Variants in TMEM273 observed in about 807,000 individuals in gnomAD.
TMEM273 encodes the protein chromosome 10 open reading frame 128.
Under a neutral mutation model 17.9 loss-of-function variants are expected in TMEM273, and 19 were observed. That is an observed-to-expected ratio of 1.06 (90% CI 0.74 to 1.55). TMEM273 has a LOEUF of 1.55. Ranked by LOEUF, TMEM273 falls within the 40% of genes most tolerant of loss-of-function variation. The pLI is 0.00. For synonymous variants in TMEM273, 66 were observed against 62.0 expected, an observed-to-expected ratio of 1.07 and a Z score of -0.31; for missense variants, 194 against 155.6, an observed-to-expected ratio of 1.25 and a Z score of -1.31.
At chr10:49,156,229 G>T in intron 6 of TMEM273, 1 of 1,384,666 alleles carries the variant, frequency 7.2e-7, no homozygotes. Flanking sequence ...ACTTTCTGTA[G>T]TTGGTGAATT....
At chr10:49,156,328 C>G (rs1590170399) in intron 6 of TMEM273, 2 of 1,262,494 alleles carry the variant, frequency 1.6e-6, no homozygotes, top group South Asian at 2.6e-5. Context: ...ATCTGAACTA[C>G]GAGCTGTTAC....
Position 49,188,360 on chromosome 10 carries a change from T to G in TMEM273, c.-24A>C. ...ATGCTGGCGCTCTGCTCTTGGCTCC[T>G]GGCTCCTGGCTGCTGGCAGCGCAGG... On this transcript the variant is annotated 5_prime_UTR_variant, in exon 1 of 7. Coordinates refer to ENST00000374153, the MANE Select transcript of TMEM273 (RefSeq NM_001288740.3). 6.2e-7 allele frequency: 1 copy of G among 1,614,106 alleles called. No individual in the cohort carries two copies. Among genetic ancestry groups the G allele is most frequent in the East Asian group, 2.2e-5 (1 of 44,862 alleles).
chr10:49,169,557 T>G (rs563875681), intron 1 of TMEM273, among the ~76,000 whole-genome samples: 38 of 152,334 alleles, frequency 2.5e-4, no homozygotes, highest in African/African-American at 9.1e-4. Flanking sequence ...TCACAGATAT[T>G]TTTGAAAATT....
chr10:49,156,309 T>C (rs759317124), intron 6 of TMEM273: 7 of 1,299,032 alleles, frequency 5.4e-6, no homozygotes, highest in Middle Eastern at 2.1e-4. Context: ...TGGAAAATAA[T>C]GCCTTCACAT....
intron 3 of TMEM273, 61 bp downstream of exon 3, chr10:49,166,808 G>C (rs1297066158): frequency 6.9e-6 from 11 of 1,604,332 alleles, no homozygotes; most frequent in Non-Finnish European, 9.3e-6. Context: ...CAGCATCACA[G>C]AGTGGCCCTC....
At chr10:49,165,362 C>A in intron 4 of TMEM273, 79 bp from the exon 5 acceptor site, 1 of 1,548,754 alleles carries the variant, frequency 6.5e-7, no homozygotes, top group South Asian at 1.2e-5. Context: ...GACGTGGGCT[C>A]TGTGCAGAAG....
chr10:49,173,990 G>T (rs945534161), intron 1 of TMEM273, among the ~76,000 whole-genome samples: 8 of 152,206 alleles, frequency 5.3e-5, no homozygotes, highest in Non-Finnish European at 1.2e-4. Flanking sequence ...GCTCAGAAAA[G>T]AAATCAGATG....
At chr10:49,167,822 C>A in intron 2 of TMEM273, 87 bp downstream of exon 2, 1 of 1,543,360 alleles carries the variant, frequency 6.5e-7, no homozygotes. Context: ...GAACCAATTC[C>A]AGCACTGCGG....
At chr10:49,160,879 G>T (rs1845799677) in intron 6 of TMEM273, 1 of 152,128 alleles carries the variant, frequency 6.6e-6, no homozygotes, top group South Asian at 2.1e-4. Flanking sequence ...CTTTGGATTT[G>T]AAAATTTTTC....
chr10:49,165,698 G>A, intron 4 of TMEM273, 68 bp downstream of exon 4: 1 of 1,596,516 alleles, frequency 6.3e-7, no homozygotes, highest in Non-Finnish European at 8.6e-7. Context: ...TGACAGGCAA[G>A]GGAGTGGCAC....
intron 1 of TMEM273, among the ~76,000 whole-genome samples, chr10:49,183,482 T>C (rs1000951561): frequency 6.6e-6 from 1 of 152,234 alleles, no homozygotes; most frequent in African/African-American, 2.4e-5. Context: ...TTTATTCTTA[T>C]ACTTTTCTTG....
Position 49,167,895 on chromosome 10 carries a change from G to T in TMEM273, c.97+14C>A. On this transcript the variant is annotated intron_variant, in intron 2 of 6. Transcript: ENST00000374153. ...CCTGACCCTGTGCACAGAATAACAT[G>T]GGCAGCCACGTACCAATTTCAGCCC... The T allele has an allele frequency of 6.2e-7, 1 of 1,613,860 alleles. No individual in the cohort carries two copies. The highest frequency in any genetic ancestry group is 8.5e-7 in the Non-Finnish European group (1 of 1,179,866).
intron 1 of TMEM273, among the ~76,000 whole-genome samples, chr10:49,183,855 G>T (rs1287022338): frequency 6.6e-6 from 1 of 152,008 alleles, no homozygotes; most frequent in East Asian, 1.9e-4. Context: ...TTACATGTAA[G>T]AGGAAGTGAA....
intron 1 of TMEM273, among the ~76,000 whole-genome samples, chr10:49,174,267 G>C (rs1197046507): frequency 6.6e-6 from 1 of 152,176 alleles, no homozygotes; most frequent in Non-Finnish European, 1.5e-5. Flanking sequence ...CCTGCCTCAG[G>C]GCTCACAAAT....
chr10:49,173,909 T>C (rs538831004), intron 1 of TMEM273, among the ~76,000 whole-genome samples: 41 of 152,254 alleles, frequency 2.7e-4, no homozygotes, highest in African/African-American at 9.9e-4. Context: ...ATGTACACTG[T>C]AGTGGCTCCA....
intron 6 of TMEM273, among the ~76,000 whole-genome samples, chr10:49,159,935 A>G (rs1268528101): frequency 6.6e-6 from 1 of 152,198 alleles, no homozygotes; most frequent in Admixed American, 6.5e-5. Context: ...TTTGGGCTTC[A>G]GAAAGAATCA....
intron 3 of TMEM273, 87 bp from the exon 4 acceptor site, chr10:49,165,883 G>T (rs1326149339): frequency 3.2e-6 from 5 of 1,562,636 alleles, no homozygotes; most frequent in Non-Finnish European, 4.4e-6. Flanking sequence ...CCCTCTCCTT[G>T]GTCCTCTCAC....
At chr10:49,166,712 G>A (rs1241441712) in intron 3 of TMEM273, 157 bp downstream of exon 3, 2 of 1,065,142 alleles carry the variant, frequency 1.9e-6, no homozygotes, top group Non-Finnish European at 2.8e-6. Context: ...CAAAGGGTTA[G>A]TGAGAGAGAC....
chr10:49,167,805 C>T, intron 2 of TMEM273, 104 bp downstream of exon 2: 2 of 1,455,410 alleles, frequency 1.4e-6, no homozygotes, highest in Non-Finnish European at 1.9e-6. Flanking sequence ...CCTATGCTGA[C>T]AGCAGGGAAC....
Sources: gnomAD v4.1 joint callset for allele counts (sites outside exome capture counted in the v4.1 genomes callset) on GRCh38, gnomAD v4.1.1 for gene constraint, MANE v1.5 for transcripts, NCBI Gene and HGNC (gene_info 2026-07-23, HGNC 2026-07-21) for gene names.